SWAP70: variants seen among roughly 807,000 people sequenced by gnomAD.
SWAP70 encodes switching B cell complex subunit SWAP70.
A neutral mutation model predicts 80.2 loss-of-function variants in SWAP70; 34 were observed. The ratio of observed to expected loss-of-function variants is 0.42; its 90% CI spans 0.32 to 0.56. The LOEUF is 0.56. Among genes scored for constraint, SWAP70 ranks in the 20% least tolerant of loss-of-function variants. The pLI is 0.09. For synonymous variants in SWAP70, 239 were observed against 238.5 expected (o/e 1.00, Z -0.02); for missense variants, 578 against 690.7 (o/e 0.84, Z 1.83).
At chr11:9,665,723 C>T (rs1379661675) in intron 1 of SWAP70, among the ~76,000 whole-genome samples, 1 of 152,138 alleles carries the variant, frequency 6.6e-6, no homozygotes, top group East Asian at 1.9e-4. Flanking sequence ...TTTTAAATTG[C>T]TAAGTAATAT....
chr11:9,712,278 T>G (rs1051182292), intron 2 of SWAP70, among the ~76,000 whole-genome samples: 3 of 152,232 alleles, frequency 2.0e-5, no homozygotes, highest in African/African-American at 7.2e-5. Context: ...ATTTTATTTG[T>G]CAAATGAGTG....
intron 9 of SWAP70, among the ~76,000 whole-genome samples, chr11:9,743,735 T>G (rs1851473307): frequency 6.6e-6 from 1 of 152,106 alleles, no homozygotes; most frequent in African/African-American, 2.4e-5. Flanking sequence ...TCGCCCACTT[T>G]TTGATGGGGT....
Position 9,664,147 on chromosome 11 carries a change from A to G in SWAP70, c.-33A>G. On this transcript the variant is annotated 5_prime_UTR_variant, in exon 1 of 12. Transcript: ENST00000318950. ...CGAGGCGCGGAGGGGCTGGCTGGGCAGGAGGGGTTGGCGGGGCAGCAGGGC... is the reference window on the plus strand; with the variant it reads ...CGAGGCGCGGAGGGGCTGGCTGGGCGGGAGGGGTTGGCGGGGCAGCAGGGC... 6.5e-7 allele frequency: 1 copy of G among 1,543,998 alleles called. No homozygotes were observed. Among genetic ancestry groups the G allele is most frequent in the East Asian group, 2.5e-5 (1 of 39,776 alleles).
chr11:9,725,546 TATATATATATATATA>T (rs1851202340), intron 4 of SWAP70, among the ~76,000 whole-genome samples: 1 of 9,304 alleles, frequency 1.1e-4, no homozygotes, highest in African/African-American at 3.3e-4. Flanking sequence ...TATATATATA[TATATATATATATATA>T]TATATATATT....
intron 1 of SWAP70, among the ~76,000 whole-genome samples, chr11:9,674,703 G>T (rs1209743578): frequency 6.6e-6 from 1 of 152,104 alleles, no homozygotes; most frequent in Non-Finnish European, 1.5e-5. Context: ...GGTGGCTCAT[G>T]CCTGTAATCC....
chr11:9,732,638 A>G lies in SWAP70; in HGVS notation c.1008A>G (p.Glu336=). The G allele has an allele frequency of 1.3e-6, 2 of 1,580,292 alleles. No homozygotes were observed. Among genetic ancestry groups the G allele is most frequent in the East Asian group, 2.3e-5 (1 of 43,040 alleles). The change falls in exon 7 of 12, where the codon GAA becomes GAG. Residue 336 remains glutamate (E), a synonymous_variant. Transcript: ENST00000318950. ...LRKKQLAEQE[E]LERQMKELQA... ...AGAAGCAGCTGGCTGAACAAGAGGA[A>G]CTGGAGCGACAAATGAAGGAACTCC...
In SWAP70 at chr11:9,735,651, C is replaced by T. The variant is rs116309036; in HGVS notation, c.1081-2562C>T. 3.5e-3 allele frequency among the ~76,000 whole-genome samples: 530 copies of T among 152,286 alleles called. 2 individuals are homozygous for T. Among genetic ancestry groups the T allele is most frequent in the African/African-American group, 0.012 (505 of 41,562 alleles). On this transcript the variant is annotated intron_variant, in intron 7 of 11. Transcript: ENST00000318950. ...AAAAGTGTTCTAGGGTTTGGCAATG[C>T]GGTGCTCCAGCCTAGAAATGTCACA... is the stretch of plus-strand genomic sequence containing the variant.
chr11:9,719,256 A>G (rs564858941), intron 3 of SWAP70, among the ~76,000 whole-genome samples: 2 of 152,090 alleles, frequency 1.3e-5, no homozygotes, highest in Non-Finnish European at 2.9e-5. Flanking sequence ...AATATAAAAA[A>G]TTAGCCAGGC....
At chr11:9,747,015 C>T (rs6483655) in intron 9 of SWAP70, among the ~76,000 whole-genome samples, 15,030 of 152,050 alleles carry the variant, frequency 0.099, 1,869 homozygotes, top group East Asian at 0.28. Flanking sequence ...AATATTGTTG[C>T]TCAAGCCACT....
chr11:9,672,195 CTATATATATATATATATATA>C (rs57590750), intron 1 of SWAP70, among the ~76,000 whole-genome samples: 2 of 78,418 alleles, frequency 2.6e-5, no homozygotes, highest in South Asian at 8.4e-4. Context: ...ATGTGTGTGT[CTATATATATATATATATATA>C]TATATATATA....
intron 9 of SWAP70, among the ~76,000 whole-genome samples, chr11:9,745,014 G>A (rs1398008659): frequency 6.6e-6 from 1 of 152,166 alleles, no homozygotes; most frequent in African/African-American, 2.4e-5. Context: ...CACCTTAGTC[G>A]TGTCTGTATT....
At chr11:9,738,479 A>C (rs1241648405) in intron 8 of SWAP70, among the ~76,000 whole-genome samples, 159 bp downstream of exon 8, 1 of 152,134 alleles carries the variant, frequency 6.6e-6, no homozygotes, top group African/African-American at 2.4e-5. Context: ...TTCATTCATT[A>C]ATTATCTGTT....
chr11:9,706,155 CTG>C (rs1850909151), intron 2 of SWAP70, among the ~76,000 whole-genome samples: 1 of 50,696 alleles, frequency 2.0e-5, no homozygotes, highest in African/African-American at 1.1e-4. Flanking sequence ...CACTGGTGAT[CTG>C]TGTATACTTG....
At chr11:9,721,486 T>A (rs61876866) in intron 3 of SWAP70, among the ~76,000 whole-genome samples, 1,491 of 140,250 alleles carry the variant, frequency 0.011, 34 homozygotes, top group African/African-American at 0.037. Context: ...TTTTTTTTTT[T>A]AATGAGATAG....
chr11:9,718,160 A>G (rs1851089511), intron 3 of SWAP70, among the ~76,000 whole-genome samples: 3 of 152,248 alleles, frequency 2.0e-5, no homozygotes, highest in African/African-American at 7.2e-5. Flanking sequence ...TTGAGAAGTG[A>G]ACAGCCTTTC....
chr11:9,707,043 G>A (rs2088293), intron 2 of SWAP70, among the ~76,000 whole-genome samples: 15,527 of 151,554 alleles, frequency 0.1, 1,540 homozygotes, highest in African/African-American at 0.25. Flanking sequence ...ATGAAATTCC[G>A]GAAACCCAAG....
intron 1 of SWAP70, among the ~76,000 whole-genome samples, chr11:9,667,113 A>C (rs1024964398): frequency 6.6e-6 from 1 of 151,414 alleles, no homozygotes; most frequent in Non-Finnish European, 1.5e-5. Flanking sequence ...AATTTAACCA[A>C]CTTGGCCTCC....
intron 8 of SWAP70, among the ~76,000 whole-genome samples, chr11:9,739,055 A>G (rs564737242): frequency 6.6e-6 from 1 of 152,324 alleles, no homozygotes; most frequent in African/African-American, 2.4e-5. Context: ...TCCATGGTAT[A>G]TCTCCTCTGT....
chr11:9,725,751 T>C (rs1218197309), intron 4 of SWAP70, among the ~76,000 whole-genome samples: 1 of 151,538 alleles, frequency 6.6e-6, no homozygotes, highest in Non-Finnish European at 1.5e-5. Flanking sequence ...TTTGTATTTT[T>C]AGTAGAGATG....
Sources: gnomAD v4.1 joint callset for allele counts (sites outside exome capture counted in the v4.1 genomes callset) on GRCh38, gnomAD v4.1.1 for gene constraint, MANE v1.5 for transcripts, NCBI Gene and HGNC (gene_info 2026-07-23, HGNC 2026-07-21) for gene names.